The following CALN1 variants were observed in gnomAD, a reference collection of about 807,000 sequenced individuals.
The protein encoded by CALN1 is calcium-binding protein 8.
A neutral mutation model predicts 30.6 loss-of-function variants in CALN1; 17 were observed. That is an observed-to-expected ratio of 0.56 (90% CI 0.38 to 0.83). CALN1 has a LOEUF of 0.83. Ranked by LOEUF, CALN1 falls within the 40% of genes least tolerant of loss-of-function variation. The pLI is 0.00. For synonymous variants in CALN1, 156 were observed against 131.4 expected (o/e 1.19, Z -1.28); for missense variants, 291 against 354.9 (o/e 0.82, Z 1.45).
At chr7:72,187,773 G>T (rs1207405101) in intron 3 of CALN1, among the ~76,000 whole-genome samples, 1 of 152,036 alleles carries the variant, frequency 6.6e-6, no homozygotes, top group South Asian at 2.1e-4. Flanking sequence ...CTTTTCCTTG[G>T]AACAAGTCAT....
chr7:72,273,745 A>C (rs1797160865), intron 3 of CALN1, among the ~76,000 whole-genome samples: 1 of 151,944 alleles, frequency 6.6e-6, no homozygotes, highest in Admixed American at 6.6e-5. Context: ...TCCTAGGCTC[A>C]AGTGATCTTC....
upstream of CALN1, among the ~76,000 whole-genome samples, chr7:72,449,792 G>A (rs543116835): frequency 2.4e-4 from 35 of 143,238 alleles, no homozygotes; most frequent in African/African-American, 8.3e-4. Context: ...GGAGAATGGC[G>A]TGAACCTGGG....
intron 3 of CALN1, among the ~76,000 whole-genome samples, chr7:72,277,053 T>C (rs1797379906): frequency 6.6e-6 from 1 of 152,024 alleles, no homozygotes; most frequent in African/African-American, 2.4e-5. Flanking sequence ...ATTTCTGTTC[T>C]TTATGAGCCA....
At chr7:72,197,178 C>T (rs201941609) in intron 3 of CALN1, among the ~76,000 whole-genome samples, 102 of 64,208 alleles carry the variant, frequency 1.6e-3, no homozygotes, top group African/African-American at 5.1e-3. Context: ...GGAAGGTTTG[C>T]TTTTTTTTTT....
intron 5 of CALN1, among the ~76,000 whole-genome samples, chr7:71,918,130 T>C (rs1794769616): frequency 6.6e-6 from 1 of 152,176 alleles, no homozygotes; most frequent in Non-Finnish European, 1.5e-5. Context: ...CATGCACAAC[T>C]GAGTGCTATG....
At chr7:71,980,880 C>T (rs1268262057) in intron 5 of CALN1, among the ~76,000 whole-genome samples, 1 of 152,118 alleles carries the variant, frequency 6.6e-6, no homozygotes, top group Non-Finnish European at 1.5e-5. Flanking sequence ...CTGGGCTCAG[C>T]TCATTCCTTG....
At chr7:72,048,982 A>G (rs1306407552) in intron 4 of CALN1, among the ~76,000 whole-genome samples, 1 of 151,926 alleles carries the variant, frequency 6.6e-6, no homozygotes, top group Non-Finnish European at 1.5e-5. Context: ...AGCTACTTTT[A>G]TTTTTTTGTA....
intron 4 of CALN1, among the ~76,000 whole-genome samples, chr7:72,101,646 C>T (rs1389481478): frequency 6.6e-6 from 1 of 152,154 alleles, no homozygotes; most frequent in African/African-American, 2.4e-5. Flanking sequence ...ATATGGTCAC[C>T]CTTATTATCA....
At chr7:72,212,349 CAAAAA>C (rs35123942) in intron 3 of CALN1, among the ~76,000 whole-genome samples, 2 of 96,536 alleles carry the variant, frequency 2.1e-5, no homozygotes, top group African/African-American at 7.9e-5. Context: ...CACACCGTCT[CAAAAA>C]AAAAAAAAAA....
chr7:72,205,941 T>C (rs751653623), intron 3 of CALN1, among the ~76,000 whole-genome samples: 3 of 152,194 alleles, frequency 2.0e-5, no homozygotes, highest in Non-Finnish European at 4.4e-5. Flanking sequence ...TTCTCGCTGA[T>C]TTTGGACTTT....
At chr7:72,272,662 G>C (rs1797074065) in intron 3 of CALN1, among the ~76,000 whole-genome samples, 1 of 152,154 alleles carries the variant, frequency 6.6e-6, no homozygotes, top group Non-Finnish European at 1.5e-5. Context: ...AATGAAATTG[G>C]AGAGACACAA....
chr7:71,919,405 G>A (rs1354436780), intron 5 of CALN1, among the ~76,000 whole-genome samples: 1 of 152,132 alleles, frequency 6.6e-6, no homozygotes, highest in Non-Finnish European at 1.5e-5. Context: ...TCATTGATTC[G>A]TGCATTTCAT....
At chr7:72,323,537 C>T (rs774804730) in intron 2 of CALN1, among the ~76,000 whole-genome samples, 1 of 151,910 alleles carries the variant, frequency 6.6e-6, no homozygotes, top group Admixed American at 6.6e-5. Flanking sequence ...CTGGCATGCA[C>T]CTGTAATCCC....
chr7:72,164,171 C>T (rs902447555), intron 3 of CALN1, among the ~76,000 whole-genome samples: 4 of 151,946 alleles, frequency 2.6e-5, no homozygotes, highest in African/African-American at 4.8e-5. Context: ...AGTTCAAGAC[C>T]AGCTTGGCCA....
chr7:71,878,551 A>G (rs1305982949), intron 5 of CALN1, among the ~76,000 whole-genome samples: 1 of 152,202 alleles, frequency 6.6e-6, no homozygotes, highest in African/African-American at 2.4e-5. Context: ...CAAAGGAGCT[A>G]CAGGTATGAC....
rs192225407 is a variant in CALN1 at position 71,927,441 on chromosome 7, G to A, written c.501+96216C>T. Among the ~76,000 whole-genome samples the A allele has an allele frequency of 9.5e-3, 1,444 of 152,160 alleles. 7 individuals carry two copies. Among genetic ancestry groups the A allele is most frequent in the Non-Finnish European group, 0.015 (1,044 of 67,984 alleles). On this transcript the variant is annotated intron_variant, in intron 5 of 6. Coordinates refer to ENST00000395275, the MANE Select transcript of CALN1 (RefSeq NM_031468.4). ...GCCAGGCTGGTCTTGAACTACTGAC[G>A]TCAGGTGATCCACCCGCCTCAGCCT... is the stretch of plus-strand genomic sequence containing the variant.
At chr7:72,314,447 A>G (rs1405108822) in intron 2 of CALN1, among the ~76,000 whole-genome samples, 1 of 148,940 alleles carries the variant, frequency 6.7e-6, no homozygotes, top group African/African-American at 2.5e-5. Context: ...TTTTTTTGAG[A>G]GAGTCTCATT....
At chr7:72,164,970 C>CA (rs1167473987) in intron 3 of CALN1, among the ~76,000 whole-genome samples, 2 of 152,084 alleles carry the variant, frequency 1.3e-5, no homozygotes, top group African/African-American at 4.8e-5. Context: ...CCTGGGATTA[C>CA]AGGCATAAGC....
At chr7:72,158,358 T>G (rs1013672195) in intron 3 of CALN1, among the ~76,000 whole-genome samples, 3 of 152,198 alleles carry the variant, frequency 2.0e-5, no homozygotes, top group African/African-American at 7.2e-5. Context: ...TAGGAGGCCC[T>G]GGCCGTAGTC....
Sources: gnomAD v4.1 joint callset for allele counts (sites outside exome capture counted in the v4.1 genomes callset) on GRCh38, gnomAD v4.1.1 for gene constraint, MANE v1.5 for transcripts, NCBI Gene and HGNC (gene_info 2026-07-23, HGNC 2026-07-21) for gene names.